Variants in PPARGC1A observed in about 807,000 individuals in gnomAD.
The protein encoded by PPARGC1A is PPARG coactivator 1 alpha.
A neutral mutation model predicts 88.7 loss-of-function variants in PPARGC1A; 25 were observed. The ratio of observed to expected loss-of-function variants is 0.28; its 90% CI spans 0.21 to 0.39. The LOEUF (loss-of-function observed/expected upper bound fraction) is 0.39. Ranked by LOEUF, PPARGC1A falls within the 10% of genes least tolerant of loss-of-function variation. PPARGC1A has a pLI of 1.00. For missense variants in PPARGC1A, 880 were observed against 968.7 expected (o/e 0.91, Z 1.22); for synonymous variants, 363 against 355.6 (o/e 1.02, Z -0.24).
chr4:24,435,775 G>C, the PPARGC1A span, among the ~76,000 whole-genome samples: 1 of 152,172 alleles, frequency 6.6e-6, no homozygotes, highest in Non-Finnish European at 1.5e-5. Flanking sequence ...CAAAGATACT[G>C]AGGTTCAAGG....
chr4:24,158,211 T>C, the PPARGC1A span, among the ~76,000 whole-genome samples: 1,289 of 152,266 alleles, frequency 8.5e-3, 12 homozygotes, highest in African/African-American at 0.029. Flanking sequence ...GGTTGCCCAA[T>C]AGACATCTCC....
the PPARGC1A span, among the ~76,000 whole-genome samples, chr4:23,923,922 G>C: frequency 2.0e-5 from 3 of 152,164 alleles, no homozygotes; most frequent in African/African-American, 7.2e-5. Context: ...ACACTCCAGA[G>C]TACAAGGAGA....
the PPARGC1A span, among the ~76,000 whole-genome samples, chr4:24,456,124 A>T: frequency 5.3e-5 from 8 of 152,038 alleles, no homozygotes; most frequent in Non-Finnish European, 8.8e-5. Context: ...GAGACAAATA[A>T]CCCCTAAAGG....
At chr4:23,959,526 C>T in the PPARGC1A span, among the ~76,000 whole-genome samples, 1 of 152,058 alleles carries the variant, frequency 6.6e-6, no homozygotes, top group Admixed American at 6.6e-5. Context: ...AAAAAATCCA[C>T]TCTGTTTCTT....
At chr4:23,879,695 G>A (rs1448587580) in intron 2 of PPARGC1A, among the ~76,000 whole-genome samples, 2 of 152,158 alleles carry the variant, frequency 1.3e-5, no homozygotes, top group Non-Finnish European at 2.9e-5. Context: ...ACTGCCTGCT[G>A]TCTGATTTTC....
the PPARGC1A span, among the ~76,000 whole-genome samples, chr4:24,047,761 T>C: frequency 2.6e-5 from 4 of 152,156 alleles, no homozygotes; most frequent in Admixed American, 6.5e-5. Flanking sequence ...TCTCAGGCCA[T>C]AGTGAAGCCT....
At chr4:24,020,678 G>GGGA in the PPARGC1A span, among the ~76,000 whole-genome samples, 1 of 152,024 alleles carries the variant, frequency 6.6e-6, no homozygotes, top group African/African-American at 2.4e-5. Flanking sequence ...GTGGGGAGTG[G>GGGA]GTGTTGAAGG....
the PPARGC1A span, among the ~76,000 whole-genome samples, chr4:24,399,314 C>T: frequency 2.0e-5 from 3 of 152,166 alleles, no homozygotes; most frequent in African/African-American, 4.8e-5. Flanking sequence ...GGGCAACCCA[C>T]TATATAGCCA....
the PPARGC1A span, among the ~76,000 whole-genome samples, chr4:24,000,717 G>C: frequency 1.3e-5 from 2 of 152,232 alleles, no homozygotes; most frequent in South Asian, 4.1e-4. Flanking sequence ...GTGCATCCAC[G>C]ATTTGATGAT....
intron 1 of PPARGC1A, among the ~76,000 whole-genome samples, chr4:23,898,228 C>T (rs1718845752): frequency 6.6e-6 from 1 of 152,106 alleles, no homozygotes; most frequent in South Asian, 2.1e-4. Flanking sequence ...GGTCATATGC[C>T]TAATATTTTA....
the PPARGC1A span, among the ~76,000 whole-genome samples, chr4:24,163,132 A>T: frequency 3.3e-5 from 5 of 149,318 alleles, no homozygotes; most frequent in East Asian, 7.8e-4. Context: ...ACAGGATCTG[A>T]TGATTTGAAT....
upstream of PPARGC1A, among the ~76,000 whole-genome samples, chr4:23,899,989 AT>A (rs1295801928): frequency 2.8e-5 from 4 of 142,744 alleles, no homozygotes; most frequent in African/African-American, 8.2e-5. Flanking sequence ...TATACCATAA[AT>A]TTTTGAAGTT....
the PPARGC1A span, among the ~76,000 whole-genome samples, chr4:24,471,364 A>C: frequency 2.0e-5 from 3 of 151,788 alleles, no homozygotes; most frequent in Admixed American, 6.6e-5. This position sits in a 1 kb window ranked among gnomAD's most constrained non-coding sequence, Gnocchi z 5.4. Flanking sequence ...ACACACACGC[A>C]TACACGTACA....
chr4:24,310,656 C>T, the PPARGC1A span, among the ~76,000 whole-genome samples: 2 of 152,282 alleles, frequency 1.3e-5, no homozygotes, highest in South Asian at 4.1e-4. Context: ...GTGAGTTCAA[C>T]TGAGTTAATT....
the PPARGC1A span, among the ~76,000 whole-genome samples, chr4:23,925,057 TA>T: frequency 2.0e-5 from 3 of 152,232 alleles, no homozygotes; most frequent in African/African-American, 7.2e-5. Context: ...AAGAAACGTG[TA>T]AGCACAATTT....
At chr4:24,172,027 A>T in the PPARGC1A span, among the ~76,000 whole-genome samples, 1 of 152,142 alleles carries the variant, frequency 6.6e-6, no homozygotes, top group African/African-American at 2.4e-5. Flanking sequence ...CTATCTTACC[A>T]TTGTGTTCTG....
the PPARGC1A span, among the ~76,000 whole-genome samples, chr4:23,986,724 AT>A: frequency 6.6e-6 from 1 of 152,086 alleles, no homozygotes; most frequent in Non-Finnish European, 1.5e-5. Context: ...ACAGTTCACT[AT>A]CCAGCAAAAA....
At chr4:24,371,944 CTG>C in the PPARGC1A span, among the ~76,000 whole-genome samples, 1 of 151,770 alleles carries the variant, frequency 6.6e-6, no homozygotes, top group Middle Eastern at 3.2e-3. Flanking sequence ...GACCAAGACT[CTG>C]TCTCAAAATA....
intron 2 of PPARGC1A, among the ~76,000 whole-genome samples, chr4:23,876,462 C>T (rs892432760): frequency 6.6e-6 from 1 of 152,144 alleles, no homozygotes; most frequent in African/African-American, 2.4e-5. Flanking sequence ...AGCTCTGAGG[C>T]TTTCCTTCAA....
Sources: gnomAD v4.1 joint callset for allele counts (sites outside exome capture counted in the v4.1 genomes callset) on GRCh38, gnomAD v4.1.1 for gene constraint, Gnocchi (gnomAD v3.1) non-coding constraint, MANE v1.5 for transcripts, NCBI Gene and HGNC (gene_info 2026-07-23, HGNC 2026-07-21) for gene names.